Variants in ERC2 observed in about 807,000 individuals in gnomAD.
ERC2 encodes the protein ERC protein 2.
ERC2 carries 42 observed loss-of-function variants against 114.8 expected under a neutral mutation model. The ratio of observed to expected loss-of-function variants is 0.37; its 90% CI spans 0.29 to 0.47. The LOEUF is 0.47. ERC2 is among the 20% of genes least tolerant of loss of function. ERC2 has a pLI of 0.99. For synonymous variants in ERC2, 454 were observed against 425.5 expected (o/e 1.07, Z -0.82); for missense variants, 939 against 1,150.7 (o/e 0.82, Z 2.66).
intron 14 of ERC2, among the ~76,000 whole-genome samples, chr3:55,774,290 C>T (rs1426999706): frequency 3.3e-5 from 5 of 152,198 alleles, no homozygotes; most frequent in Non-Finnish European, 5.9e-5. Flanking sequence ...ATTATGTCAA[C>T]ATCGGTTCAA....
intron 14 of ERC2, among the ~76,000 whole-genome samples, chr3:55,817,797 G>C (rs1316753914): frequency 6.6e-6 from 1 of 152,208 alleles, no homozygotes; most frequent in Non-Finnish European, 1.5e-5. Context: ...CACGTAAAGA[G>C]CTCTGAACAA....
At chr3:55,515,394 G>A (rs1348100948) in intron 17 of ERC2, among the ~76,000 whole-genome samples, 1 of 151,930 alleles carries the variant, frequency 6.6e-6, no homozygotes, top group Non-Finnish European at 1.5e-5. Flanking sequence ...TTGAGATGGA[G>A]TCTCTCTCTG....
chr3:55,656,145 G>A (rs1219394905), intron 17 of ERC2, among the ~76,000 whole-genome samples: 1 of 145,810 alleles, frequency 6.9e-6, no homozygotes, highest in Non-Finnish European at 1.5e-5. Flanking sequence ...TTGATTTAAA[G>A]AATTTTTTTT....
intron 14 of ERC2, among the ~76,000 whole-genome samples, chr3:55,760,542 A>G (rs968411125): frequency 6.6e-6 from 1 of 152,204 alleles, no homozygotes; most frequent in Non-Finnish European, 1.5e-5. Flanking sequence ...TCACATATAC[A>G]TTGGTGAGAA....
chr3:55,530,045 G>A lies in ERC2; in HGVS notation c.*40-18769C>T, dbSNP rs566998274. 8.5e-5 allele frequency among the ~76,000 whole-genome samples: 13 copies of A among 152,324 alleles called. No individual in the cohort carries two copies. The South Asian group carries it at 2.7e-3, about 32-fold the overall frequency. ...GAGGAATAAAGGATTCCTCTTTGGA[G>A]ATGATGTCACTGGTAGCAGTAATAT... On this transcript the variant is annotated intron_variant, in intron 17 of 17. Coordinates refer to ENST00000288221, the MANE Select transcript of ERC2 (RefSeq NM_015576.3).
chr3:55,809,145 C>A (rs1575669506), intron 14 of ERC2, among the ~76,000 whole-genome samples: 1 of 152,020 alleles, frequency 6.6e-6, no homozygotes, highest in Non-Finnish European at 1.5e-5. Flanking sequence ...GCATCATAAA[C>A]AAAATTCACT....
At chr3:56,289,202 C>A (rs760433174) in intron 3 of ERC2, among the ~76,000 whole-genome samples, 2 of 152,124 alleles carry the variant, frequency 1.3e-5, no homozygotes, top group African/African-American at 2.4e-5. Flanking sequence ...TATCTGCCTG[C>A]ACACAGGTCT....
intron 17 of ERC2, among the ~76,000 whole-genome samples, chr3:55,646,537 T>C (rs1368127353): frequency 6.6e-6 from 1 of 152,222 alleles, no homozygotes; most frequent in African/African-American, 2.4e-5. Flanking sequence ...ACTTAGTAAA[T>C]ATAACCTAAA....
chr3:55,805,068 G>T (rs566095775), intron 14 of ERC2, among the ~76,000 whole-genome samples: 12 of 151,948 alleles, frequency 7.9e-5, no homozygotes, highest in African/African-American at 2.9e-4. Flanking sequence ...CACTTTATAG[G>T]TGAAGCAATG....
Position 56,149,690 on chromosome 3 carries a change from C to T in ERC2, c.1150-558G>A, listed in dbSNP as rs186413811. On this transcript the variant is annotated intron_variant, in intron 4 of 17. Transcript: ENST00000288221. ...GAATCTTGACTTGGTATGACTGATA[C>T]ACTAAATATTGAAAATTTATAGTGA... Among the ~76,000 whole-genome samples, 750 of 152,194 alleles carry T rather than the reference C, an allele frequency of 4.9e-3. 4 individuals carry two copies. The highest frequency in any genetic ancestry group is 0.017 in the African/African-American group (698 of 41,518).
intron 17 of ERC2, among the ~76,000 whole-genome samples, chr3:55,644,051 G>T (rs972985221): frequency 1.3e-5 from 2 of 152,020 alleles, no homozygotes; most frequent in African/African-American, 2.4e-5. Context: ...TGCTGAGGAG[G>T]GCAGGGTGTG....
At chr3:55,909,063 C>T (rs2064641897) in intron 13 of ERC2, among the ~76,000 whole-genome samples, 1 of 152,150 alleles carries the variant, frequency 6.6e-6, no homozygotes. Flanking sequence ...ACAGATCAGG[C>T]ACAGGATGGT....
At chr3:55,814,991 T>C (rs77995045) in intron 14 of ERC2, among the ~76,000 whole-genome samples, 4,312 of 152,290 alleles carry the variant, frequency 0.028, 79 homozygotes, top group Middle Eastern at 0.071. Context: ...ACCCCTATTG[T>C]AGCAGCTGCC....
At chr3:55,940,717 C>T (rs192057725) in intron 13 of ERC2, among the ~76,000 whole-genome samples, 71 of 152,282 alleles carry the variant, frequency 4.7e-4, no homozygotes, top group African/African-American at 1.7e-3. Flanking sequence ...CAAAAAACAT[C>T]ATTGGGAATG....
chr3:56,045,340 G>A (rs966494253), intron 7 of ERC2, among the ~76,000 whole-genome samples: 9 of 152,164 alleles, frequency 5.9e-5, no homozygotes, highest in African/African-American at 2.2e-4. Flanking sequence ...TGACCTGTGG[G>A]AAGATAATTT....
At chr3:56,067,321 G>T (rs569533495) in intron 7 of ERC2, among the ~76,000 whole-genome samples, 49 of 152,238 alleles carry the variant, frequency 3.2e-4, no homozygotes, top group African/African-American at 1.1e-3. Context: ...TAGCAATTGC[G>T]AATGGAAGTT....
intron 6 of ERC2, among the ~76,000 whole-genome samples, chr3:56,110,319 A>G (rs1249338845): frequency 1.3e-5 from 2 of 152,162 alleles, no homozygotes; most frequent in Non-Finnish European, 2.9e-5. Context: ...TGACCCAGTA[A>G]TCCAAATGTT....
At chr3:55,731,436 T>C (rs1027944834) in intron 15 of ERC2, among the ~76,000 whole-genome samples, 1 of 152,252 alleles carries the variant, frequency 6.6e-6, no homozygotes, top group African/African-American at 2.4e-5. Flanking sequence ...GCACCTATTA[T>C]GTGCCAGGCA....
At chr3:56,164,539 A>G (rs2082225288) in intron 4 of ERC2, among the ~76,000 whole-genome samples, 1 of 152,108 alleles carries the variant, frequency 6.6e-6, no homozygotes, top group East Asian at 1.9e-4. Context: ...TATTATAAAT[A>G]ATGGTAGCGT....
Sources: allele counts gnomAD v4.1 joint callset (sites outside exome capture counted in the v4.1 genomes callset), GRCh38; gene constraint gnomAD v4.1.1; transcripts MANE v1.5; gene names NCBI Gene and HGNC (gene_info 2026-07-23, HGNC 2026-07-21).